The following RAB18 variants were observed in gnomAD, a reference collection of about 807,000 sequenced individuals.
The protein encoded by RAB18 is RAB18, member RAS oncogene family.
RAB18 carries 10 observed loss-of-function variants against 28.5 expected under a neutral mutation model. The observed-to-expected ratio is 0.35, with a 90% confidence interval of 0.22 to 0.60. RAB18 has a LOEUF of 0.60. Among genes scored for constraint, RAB18 ranks in the 20% least tolerant of loss-of-function variants. RAB18 has a pLI of 0.78. For missense variants in RAB18, 188 were observed against 244.2 expected (o/e 0.77, Z 1.53); for synonymous variants, 93 against 86.9 (o/e 1.07, Z -0.39).
chr10:27,511,273 G>A (rs1044627219), intron 2 of RAB18, among the ~76,000 whole-genome samples: 4 of 152,162 alleles, frequency 2.6e-5, no homozygotes, highest in African/African-American at 7.2e-5. Flanking sequence ...CACCAACTCA[G>A]CTCAGTGCAA....
At chr10:27,507,391 G>A (rs1413691395) in intron 1 of RAB18, among the ~76,000 whole-genome samples, 2 of 152,156 alleles carry the variant, frequency 1.3e-5, no homozygotes, top group Non-Finnish European at 2.9e-5. Context: ...AAGCGAGGGG[G>A]TTGGAATAGA....
intron 3 of RAB18, among the ~76,000 whole-genome samples, chr10:27,528,152 G>A (rs928476228): frequency 4.1e-4 from 62 of 152,162 alleles, no homozygotes; most frequent in African/African-American, 1.3e-3. Flanking sequence ...TGTGAAATCC[G>A]TAGATTAGAG....
Position 27,539,344 on chromosome 10 carries a change from A to G in RAB18, c.*1293A>G, listed in dbSNP as rs984658964. On this transcript the variant is annotated 3_prime_UTR_variant, in exon 7 of 7. Coordinates refer to ENST00000356940, the MANE Select transcript of RAB18 (RefSeq NM_021252.5). ...TTTCTGGGCAGTTTGTTCTCTGTAT[A>G]CAATTGCAAATGATAAGCATTTTTG... The G allele has an allele frequency of 8.7e-5, 26 of 298,484 alleles. No homozygotes were observed. Among genetic ancestry groups the G allele is most frequent in the Admixed American group, 6.0e-4 (12 of 19,974 alleles). The allele number at this position is 298,484 out of a possible 1,614,324, so 18.5% of individuals were successfully genotyped here.
intron 6 of RAB18, among the ~76,000 whole-genome samples, chr10:27,535,153 A>G (rs35042974): frequency 0.029 from 4,438 of 152,318 alleles, 78 homozygotes; most frequent in Middle Eastern, 0.058. Flanking sequence ...TCAGGTGAGG[A>G]TCTAGAGCAA....
At chr10:27,504,946 A>C (rs1837780266) in intron 1 of RAB18, 1 of 531,334 alleles carries the variant, frequency 1.9e-6, no homozygotes. Flanking sequence ...GTTTGGGCGC[A>C]GCTTAATGTC....
chr10:27,539,955 A>C lies in RAB18; in HGVS notation c.*1904A>C, dbSNP rs1834988148. The C allele has an allele frequency of 2.2e-6, 1 of 453,368 alleles. No homozygotes were observed. The highest frequency in any genetic ancestry group is 2.0e-5 in the African/African-American group (1 of 49,930). The allele number at this position is 453,368 out of a possible 1,614,324, so 28.1% of individuals were successfully genotyped here. ...TTTTGTTGCAAGCTTAGTGTTTTGTAGTGGAGGTTTTGTAAATGAAACAGT... is the reference window on the plus strand; with the variant it reads ...TTTTGTTGCAAGCTTAGTGTTTTGTCGTGGAGGTTTTGTAAATGAAACAGT... On this transcript the variant is annotated 3_prime_UTR_variant, in exon 7 of 7. Transcript: ENST00000356940.
At chr10:27,514,072 G>A (rs1589565221) in intron 2 of RAB18, 1 of 152,158 alleles carries the variant, frequency 6.6e-6, no homozygotes, top group Admixed American at 6.5e-5. Context: ...TCTGAATCAC[G>A]AAAAAGTTGT....
intron 1 of RAB18, among the ~76,000 whole-genome samples, chr10:27,505,712 A>G (rs1010233502): frequency 2.0e-5 from 3 of 152,130 alleles, no homozygotes; most frequent in Admixed American, 6.5e-5. Flanking sequence ...GGCGCGCACT[A>G]TCATGCCCAG....
chr10:27,538,113 C>T lies in RAB18; in HGVS notation c.*62C>T, dbSNP rs886046969. On this transcript the variant is annotated 3_prime_UTR_variant, in exon 7 of 7. Coordinates refer to ENST00000356940, the MANE Select transcript of RAB18 (RefSeq NM_021252.5). ...ATAGTGACATCTTTCTGTATATAAACTCTTTAACTGCTATTTTAGGGACCT... is the reference window on the plus strand; with the variant it reads ...ATAGTGACATCTTTCTGTATATAAATTCTTTAACTGCTATTTTAGGGACCT... The T allele has an allele frequency of 2.4e-5, 39 of 1,594,648 alleles. No individual in the cohort carries two copies. The highest frequency in any genetic ancestry group is 3.2e-5 in the Non-Finnish European group (37 of 1,162,654).
chr10:27,509,759 C>T (rs1317365618), intron 1 of RAB18, 116 bp from the exon 2 acceptor site: 5 of 823,650 alleles, frequency 6.1e-6, no homozygotes, highest in Non-Finnish European at 1.0e-5. Context: ...AGGAACAGGC[C>T]TACATCAGTT....
chr10:27,523,054 C>T (rs1002011465), intron 2 of RAB18, among the ~76,000 whole-genome samples: 1 of 151,814 alleles, frequency 6.6e-6, no homozygotes, highest in African/African-American at 2.4e-5. Flanking sequence ...TAATTTGCTG[C>T]TTTTTCTATT....
intron 2 of RAB18, among the ~76,000 whole-genome samples, chr10:27,512,099 C>G (rs1374568923): frequency 2.6e-5 from 4 of 151,810 alleles, no homozygotes; most frequent in Middle Eastern, 3.4e-3. Context: ...TCAGGAGGAG[C>G]TCATGTTTGT....
intron 2 of RAB18, among the ~76,000 whole-genome samples, chr10:27,515,694 A>G (rs1389015786): frequency 1.3e-5 from 2 of 151,992 alleles, no homozygotes; most frequent in Non-Finnish European, 2.9e-5. Flanking sequence ...TGATCGTACC[A>G]CTGTATTCTA....
At chr10:27,512,875 G>A (rs1315333469) in intron 2 of RAB18, among the ~76,000 whole-genome samples, 1 of 151,844 alleles carries the variant, frequency 6.6e-6, no homozygotes, top group African/African-American at 2.4e-5. Context: ...TTTGTCTTCT[G>A]CAAAGACAAA....
chr10:27,515,992 A>C (rs377701063), intron 2 of RAB18, among the ~76,000 whole-genome samples: 1 of 151,412 alleles, frequency 6.6e-6, no homozygotes, highest in Non-Finnish European at 1.5e-5. Context: ...AAAATTGTCT[A>C]TTTTTGTTGT....
chr10:27,528,661 C>A (rs1332931247), intron 3 of RAB18, among the ~76,000 whole-genome samples: 1 of 152,116 alleles, frequency 6.6e-6, no homozygotes, highest in Non-Finnish European at 1.5e-5. Flanking sequence ...GAGATACTTA[C>A]ATTTTTGCCA....
intron 1 of RAB18, among the ~76,000 whole-genome samples, chr10:27,505,557 C>T (rs1043705774): frequency 1.3e-5 from 2 of 152,068 alleles, no homozygotes; most frequent in African/African-American, 4.8e-5. Flanking sequence ...ATATTATTTA[C>T]TTATTTATTT....
intron 2 of RAB18, among the ~76,000 whole-genome samples, chr10:27,523,808 G>C (rs1438671704): frequency 1.3e-5 from 2 of 151,822 alleles, no homozygotes; most frequent in Non-Finnish European, 2.9e-5. Flanking sequence ...GGCTGGGTGC[G>C]GTGGCTCACG....
chr10:27,538,009 C>G lies in RAB18; in HGVS notation c.579C>G (p.Gly193=). 2 of 1,614,050 alleles carry G rather than the reference C, an allele frequency of 1.2e-6. No individual in the cohort carries two copies. Among genetic ancestry groups the G allele is most frequent in the Non-Finnish European group, 8.5e-7 (1 of 1,179,990 alleles). Residue 193 remains glycine, a synonymous_variant, in exon 7 of 7, where the codon GGC becomes GGG. Coordinates refer to ENST00000356940, the MANE Select transcript of RAB18 (RefSeq NM_021252.5). ...KGVKLSHREE[G]QGGGACGGYC... ...TCAAACTGTCACACAGGGAAGAAGG[C>G]CAAGGAGGAGGAGCCTGTGGTGGTT...
Sources: gnomAD v4.1 joint callset for allele counts (sites outside exome capture counted in the v4.1 genomes callset) on GRCh38, gnomAD v4.1.1 for gene constraint, MANE v1.5 for transcripts, NCBI Gene and HGNC (gene_info 2026-07-23, HGNC 2026-07-21) for gene names.